Variants in CRISPLD2 observed in about 807,000 individuals in gnomAD.
The protein encoded by CRISPLD2 is cysteine rich secretory protein LCCL domain containing 2.
CRISPLD2 carries 47 observed loss-of-function variants against 71.1 expected under a neutral mutation model. The observed-to-expected ratio is 0.66, with a 90% confidence interval of 0.52 to 0.84. The LOEUF is 0.84. Among genes scored for constraint, CRISPLD2 ranks in the 40% least tolerant of loss-of-function variants. The pLI, the probability that CRISPLD2 is intolerant of heterozygous loss-of-function variation, is 0.00. For missense variants in CRISPLD2, 830 were observed against 651.1 expected (o/e 1.27, Z -2.99); for synonymous variants, 317 against 250.1 (o/e 1.27, Z -2.52).
At chr16:84,868,587 C>G (rs918636130) in intron 7 of CRISPLD2, among the ~76,000 whole-genome samples, 8 of 152,236 alleles carry the variant, frequency 5.3e-5, no homozygotes, top group African/African-American at 1.9e-4. Flanking sequence ...GAGGTGGGTA[C>G]TGTCACTGTC....
chr16:84,854,683 T>A, intron 5 of CRISPLD2, 46 bp from the exon 6 acceptor site: 1 of 1,435,348 alleles, frequency 7.0e-7, no homozygotes, highest in Middle Eastern at 1.8e-4. Flanking sequence ...TCCCGAGGCC[T>A]CACGTCGTGG....
chr16:84,879,153 C>A lies in CRISPLD2; in HGVS notation c.1230-1356C>A, dbSNP rs546625973. Among the ~76,000 whole-genome samples, 48 of 152,354 alleles carry A rather than the reference C, an allele frequency of 3.2e-4. 1 individual carries two copies. In the East Asian group the frequency reaches 9.3e-3, roughly 29 times the overall value. On this transcript the variant is annotated intron_variant, in intron 12 of 14. Coordinates refer to ENST00000262424, the MANE Select transcript of CRISPLD2 (RefSeq NM_031476.4). ...CTGGGCCTCCACTGCCTCCGCACCA[C>A]CGTCTTGATCCCCCTTGAATGTTCG... is the stretch of plus-strand genomic sequence containing the variant.
intron 14 of CRISPLD2, among the ~76,000 whole-genome samples, chr16:84,889,879 A>G (rs577718697): frequency 7.0e-4 from 106 of 152,238 alleles, no homozygotes; most frequent in African/African-American, 2.5e-3. Flanking sequence ...ATAGAGTTAA[A>G]TAAGATTAGG....
intron 2 of CRISPLD2, among the ~76,000 whole-genome samples, chr16:84,845,579 G>A (rs1224578568): frequency 1.3e-5 from 2 of 152,272 alleles, no homozygotes; most frequent in African/African-American, 4.8e-5. Context: ...GCAAGTTAGA[G>A]GCCCAGCAGG....
intron 14 of CRISPLD2, among the ~76,000 whole-genome samples, chr16:84,904,322 C>T (rs532589306): frequency 2.7e-5 from 4 of 145,792 alleles, no homozygotes; most frequent in East Asian, 2.1e-4. Flanking sequence ...CGGTGGCTTA[C>T]GCCTGAAATC....
chr16:84,873,039 C>G lies in CRISPLD2; in HGVS notation c.1029C>G (p.Asp343Glu). The change falls in exon 10 of 15, where the codon GAC becomes GAG. Residue 343 changes from aspartate to glutamate, a missense_variant. Transcript: ENST00000262424. Reference protein sequence around the residue: ...RAAIHYGILDDKGGLVDITRN... With the variant: ...RAAIHYGILDEKGGLVDITRN... Reference sequence around the variant, plus strand: ...CCATCCACTACGGGATCCTGGATGACAAGGGAGGCCTGGTGGATATCACCA... The same window carrying G: ...CCATCCACTACGGGATCCTGGATGAGAAGGGAGGCCTGGTGGATATCACCA... 3 of 1,613,862 alleles carry G rather than the reference C, an allele frequency of 1.9e-6. No individual in the cohort carries two copies. The highest frequency in any genetic ancestry group is 2.5e-6 in the Non-Finnish European group (3 of 1,179,902).
intron 1 of CRISPLD2, among the ~76,000 whole-genome samples, chr16:84,828,707 C>A (rs1481825402): frequency 6.6e-6 from 1 of 152,106 alleles, no homozygotes. Flanking sequence ...TCTTATATAT[C>A]ACCTTGGCTT....
intron 14 of CRISPLD2, among the ~76,000 whole-genome samples, chr16:84,894,037 A>G (rs1366485710): frequency 6.6e-5 from 10 of 152,210 alleles, no homozygotes; most frequent in African/African-American, 1.9e-4. Flanking sequence ...CCCAAACAGG[A>G]TTCTCAGCAC....
intron 1 of CRISPLD2, among the ~76,000 whole-genome samples, 179 bp from the exon 2 acceptor site, chr16:84,838,243 G>A (rs76308337): frequency 0.084 from 12,811 of 152,176 alleles, 775 homozygotes; most frequent in Admixed American, 0.19. Flanking sequence ...AACCCTTGGC[G>A]TAAATCCCAG....
rs1251876211 is a variant in CRISPLD2, at chr16:84,896,748, C to T, written c.1439+7385C>T. Among the ~76,000 whole-genome samples, 6 of 152,122 alleles carry T rather than the reference C, an allele frequency of 3.9e-5. No individual in the cohort carries two copies. The East Asian group carries it at 7.7e-4, about 20-fold the overall frequency. On this transcript the variant is annotated intron_variant, in intron 14 of 14. Transcript: ENST00000262424. ...CCGTAAGTCAGGGAGCATCTGTGTC[C>T]ACAGTCATGTATGTACACTCATACA...
intron 2 of CRISPLD2, among the ~76,000 whole-genome samples, chr16:84,841,058 A>C (rs1434793719): frequency 6.6e-6 from 1 of 152,196 alleles, no homozygotes; most frequent in Non-Finnish European, 1.5e-5. Flanking sequence ...TTTGTGGAGC[A>C]CCTTCGATGT....
At chr16:84,864,770 G>C (rs73250100) in intron 6 of CRISPLD2, among the ~76,000 whole-genome samples, 1 of 152,218 alleles carries the variant, frequency 6.6e-6, no homozygotes, top group Non-Finnish European at 1.5e-5. Flanking sequence ...CTGGAGGTTC[G>C]CAGCTGGTGG....
intron 1 of CRISPLD2, among the ~76,000 whole-genome samples, chr16:84,827,571 TTTTTC>T (rs1916385049): frequency 6.7e-6 from 1 of 149,586 alleles, no homozygotes; most frequent in African/African-American, 2.5e-5. Flanking sequence ...TTTTTTTTTT[TTTTTC>T]TTTTTTCTGA....
At chr16:84,828,556 T>A (rs1329736195) in intron 1 of CRISPLD2, among the ~76,000 whole-genome samples, 1 of 152,162 alleles carries the variant, frequency 6.6e-6, no homozygotes, top group East Asian at 1.9e-4. Flanking sequence ...CTGCTGTTTA[T>A]CTTTTAAAGC....
intron 1 of CRISPLD2, among the ~76,000 whole-genome samples, chr16:84,832,461 A>G (rs1265138861): frequency 2.0e-5 from 3 of 152,262 alleles, no homozygotes; most frequent in African/African-American, 7.2e-5. Context: ...TTTCTGATCT[A>G]GCTGGGAGCA....
chr16:84,832,899 G>A (rs546042769), intron 1 of CRISPLD2, among the ~76,000 whole-genome samples: 2 of 152,328 alleles, frequency 1.3e-5, no homozygotes, highest in African/African-American at 2.4e-5. Context: ...ATAACCATCA[G>A]GGAGACCCCT....
At chr16:84,824,637 G>A (rs544816004) in intron 1 of CRISPLD2, among the ~76,000 whole-genome samples, 2 of 152,268 alleles carry the variant, frequency 1.3e-5, no homozygotes, top group South Asian at 4.1e-4. Context: ...GCCTTTGGTT[G>A]GTGTCAGTGC....
chr16:84,835,707 A>T (rs570761871), intron 1 of CRISPLD2, among the ~76,000 whole-genome samples: 2 of 152,274 alleles, frequency 1.3e-5, no homozygotes, highest in East Asian at 3.9e-4. Flanking sequence ...TGGTTCTCCC[A>T]ACTCTAAAGC....
At chr16:84,904,912 C>T (rs1246301280) in intron 14 of CRISPLD2, among the ~76,000 whole-genome samples, 1 of 152,174 alleles carries the variant, frequency 6.6e-6, no homozygotes, top group Non-Finnish European at 1.5e-5. Context: ...AGATATGACG[C>T]CAAAAGCACA....
Sources: gnomAD v4.1 joint callset for allele counts (sites outside exome capture counted in the v4.1 genomes callset) on GRCh38, gnomAD v4.1.1 for gene constraint, MANE v1.5 for transcripts, NCBI Gene and HGNC (gene_info 2026-07-23, HGNC 2026-07-21) for gene names.